Variants in PTPRJ observed in about 807,000 individuals in gnomAD.
PTPRJ encodes the protein protein tyrosine phosphatase receptor type J.
A neutral mutation model predicts 141.3 loss-of-function variants in PTPRJ; 129 were observed. That is an observed-to-expected ratio of 0.91 (90% confidence interval 0.79 to 1.06). The LOEUF (loss-of-function observed/expected upper bound fraction) is 1.06, where lower values mean the gene tolerates loss of function less well. Ranked by LOEUF, PTPRJ falls within the 50% of genes least tolerant of loss-of-function variation. The pLI is 0.00. For missense variants in PTPRJ, 1,601 were observed against 1,679.7 expected (o/e 0.95, Z 0.82); for synonymous variants, 610 against 640.5 (o/e 0.95, Z 0.72).
At chr11:48,067,767 T>A (rs1297170176) in intron 1 of PTPRJ, among the ~76,000 whole-genome samples, 1 of 152,170 alleles carries the variant, frequency 6.6e-6, no homozygotes, top group Non-Finnish European at 1.5e-5. Context: ...TCTAGTCTCC[T>A]ATCTAGATAA....
At chr11:48,073,859 CTTTAGAGTATTATA>C (rs1314473133) in intron 1 of PTPRJ, among the ~76,000 whole-genome samples, 1 of 152,094 alleles carries the variant, frequency 6.6e-6, no homozygotes, top group Non-Finnish European at 1.5e-5. Context: ...CTTTGCAAAT[CTTTAGAGTATTATA>C]TTTAAGACAG....
At chr11:48,149,333 G>GACACCATTTATTTCAT in intron 15 of PTPRJ, 114 bp from the exon 16 acceptor site, 1 of 740,426 alleles carries the variant, frequency 1.4e-6, no homozygotes, top group Non-Finnish European at 2.3e-6. Flanking sequence ...ACTAATGCCT[G>GACACCATTTATTTCAT]AGGAAAAGGT....
In PTPRJ at chr11:47,980,969, GGCGCTGCCGCTGCT is replaced by G. The variant is rs2135452825; in HGVS notation, c.60_73del (p.Leu21AlafsTer16). On this transcript the variant is annotated frameshift_variant, in exon 1 of 25. Transcript: ENST00000418331. LOFTEE classifies it high-confidence loss of function. ...CTCCGCGCTCGCCCGGGCTGCGCTG[GGCGCTGCCGCTGCT>G]GCTGCTGCTGCTGCGCCTGGGCCAG... 1 of 1,212,728 alleles carries G rather than the reference GGCGCTGCCGCTGCT, an allele frequency of 8.2e-7. No individual in the cohort carries two copies. Among genetic ancestry groups the G allele is most frequent in the East Asian group, 3.3e-5 (1 of 30,174 alleles). 75.1% of individuals were successfully genotyped at this position (1,212,728 alleles called of 1,614,324 possible).
intron 1 of PTPRJ, among the ~76,000 whole-genome samples, chr11:48,109,532 AAAG>A (rs372521837): frequency 2.1e-4 from 32 of 152,284 alleles, no homozygotes; most frequent in African/African-American, 6.7e-4. Flanking sequence ...CTACTGATGG[AAAG>A]AAGAAGATGA....
intron 1 of PTPRJ, among the ~76,000 whole-genome samples, chr11:48,094,622 C>G (rs1168839762): frequency 1.3e-5 from 2 of 152,122 alleles, no homozygotes; most frequent in East Asian, 3.8e-4. Context: ...GCTGGAGGGA[C>G]TTAGACTCTG....
intron 1 of PTPRJ, among the ~76,000 whole-genome samples, chr11:48,053,368 AAT>A (rs1400176662): frequency 1.8e-4 from 18 of 98,822 alleles, no homozygotes; most frequent in African/African-American, 8.1e-4. Flanking sequence ...ATAAAAATAT[AAT>A]ATATATAAAA....
At chr11:48,005,817 C>T (rs1854606993) in intron 1 of PTPRJ, among the ~76,000 whole-genome samples, 1 of 152,190 alleles carries the variant, frequency 6.6e-6, no homozygotes, top group African/African-American at 2.4e-5. Flanking sequence ...CATGTGCTTC[C>T]TTTCTTTTAA....
chr11:48,026,639 A>G (rs1362471933), intron 1 of PTPRJ, among the ~76,000 whole-genome samples: 2 of 152,006 alleles, frequency 1.3e-5, no homozygotes, highest in African/African-American at 4.8e-5. Context: ...TAGTAGACAT[A>G]GGGTTTCACT....
chr11:47,990,388 A>G (rs1854157805), intron 1 of PTPRJ, among the ~76,000 whole-genome samples: 1 of 152,208 alleles, frequency 6.6e-6, no homozygotes, highest in Non-Finnish European at 1.5e-5. Context: ...GTAATTATCA[A>G]TAATTATGAA....
chr11:48,150,520 A>G (rs1857456547), intron 18 of PTPRJ, among the ~76,000 whole-genome samples: 1 of 152,222 alleles, frequency 6.6e-6, no homozygotes, highest in Non-Finnish European at 1.5e-5. Context: ...CTTTCCTTAG[A>G]AATTGGCTTG....
intron 19 of PTPRJ, among the ~76,000 whole-genome samples, chr11:48,154,159 T>C (rs1351340511): frequency 6.6e-6 from 1 of 152,244 alleles, no homozygotes; most frequent in Non-Finnish European, 1.5e-5. Context: ...AGGTGATCTT[T>C]CCAAGGTTAC....
chr11:48,105,423 A>G (rs1856263593), intron 1 of PTPRJ, among the ~76,000 whole-genome samples: 1 of 152,174 alleles, frequency 6.6e-6, no homozygotes, highest in African/African-American at 2.4e-5. Flanking sequence ...GGGCTGGAGC[A>G]GTCACAGGAA....
At chr11:48,160,869 T>C (rs990968576) in intron 22 of PTPRJ, among the ~76,000 whole-genome samples, 1 of 152,142 alleles carries the variant, frequency 6.6e-6, no homozygotes, top group Non-Finnish European at 1.5e-5. Flanking sequence ...CGTCTGCTTA[T>C]AATATCATTA....
At chr11:48,130,125 G>C (rs1412725209) in intron 7 of PTPRJ, among the ~76,000 whole-genome samples, 2 of 150,720 alleles carry the variant, frequency 1.3e-5, no homozygotes, top group African/African-American at 4.9e-5. Context: ...TGGGAGGCTA[G>C]TAATGCATTC....
intron 12 of PTPRJ, among the ~76,000 whole-genome samples, chr11:48,143,614 T>G (rs1299338684): frequency 6.6e-6 from 1 of 152,234 alleles, no homozygotes; most frequent in African/African-American, 2.4e-5. Context: ...TCTCCTTAGC[T>G]GAGAGAAGAG....
intron 22 of PTPRJ, among the ~76,000 whole-genome samples, chr11:48,162,935 T>C (rs1370117713): frequency 2.0e-5 from 3 of 152,226 alleles, no homozygotes; most frequent in African/African-American, 7.2e-5. Context: ...TAGTGGCCTG[T>C]CACTTTATTC....
At chr11:48,042,760 G>A (rs191271952) in intron 1 of PTPRJ, among the ~76,000 whole-genome samples, 1 of 87,170 alleles carries the variant, frequency 1.1e-5, no homozygotes, top group African/African-American at 6.6e-5. Flanking sequence ...GTGTGTAGGG[G>A]TGTGTGTGTG....
At position 48,169,751 on chromosome 11, in the gene PTPRJ, T is replaced by C. The variant is rs7105504; in HGVS notation, c.*2389T>C. The C allele has an allele frequency of 0.98, 149,623 of 152,338 alleles. 73,540 individuals carry two copies. Among genetic ancestry groups the C allele is most frequent in the Middle Eastern group, 1 (294 of 294 alleles). The allele number at this position is 152,338 out of a possible 1,614,324, so 9.4% of individuals were successfully genotyped here. A position where few individuals can be genotyped will look rare whatever the true frequency, so the allele number is the denominator to read the frequency against. On this transcript the variant is annotated 3_prime_UTR_variant, in exon 25 of 25. Coordinates refer to ENST00000418331, the MANE Select transcript of PTPRJ (RefSeq NM_002843.4). ...TAAAGCAACATAACTGTAAACATATTGTATAAAAATGAAAAACACAGGAAC... is the reference window on the plus strand; with the variant it reads ...TAAAGCAACATAACTGTAAACATATCGTATAAAAATGAAAAACACAGGAAC...
intron 1 of PTPRJ, among the ~76,000 whole-genome samples, chr11:47,999,056 AG>A (rs1223146562): frequency 5.9e-5 from 9 of 152,222 alleles, no homozygotes; most frequent in African/African-American, 2.2e-4. Flanking sequence ...AAAGAATGTC[AG>A]AGTTGGAAAA....
Sources: allele counts gnomAD v4.1 joint callset (sites outside exome capture counted in the v4.1 genomes callset), GRCh38; gene constraint gnomAD v4.1.1; transcripts MANE v1.5; gene names NCBI Gene and HGNC (gene_info 2026-07-23, HGNC 2026-07-21).